KLHL15: variants seen among roughly 807,000 people sequenced by gnomAD.
The protein encoded by KLHL15 is kelch like family member 15.
In KLHL15, 1 loss-of-function variant was observed where a neutral mutation model predicts 29.3. The ratio of observed to expected loss-of-function variants is 0.03; its 90% CI spans 0.01 to 0.16. The LOEUF (loss-of-function observed/expected upper bound fraction) is 0.16. Among genes scored for constraint, KLHL15 ranks in the 10% least tolerant of loss-of-function variants. The pLI is 1.00. For synonymous variants in KLHL15, 212 were observed against 184.5 expected, an observed-to-expected ratio of 1.15 and a Z score of -1.21; for missense variants, 215 against 478.5, an observed-to-expected ratio of 0.45 and a Z score of 5.14.
At position 23,988,455 on chromosome X, in the gene KLHL15, T is replaced by C. The variant is rs745742831; in HGVS notation, c.1281A>G (p.Lys427=). ...AGGTGATTCCACCGGTGATAAACAA[T>C]TTGTTATTGAGCACTGTCCCCTCAT... ...YGHEGTVLNN[K]LFITGGITSS... The change falls in exon 4 of 4, where the codon AAA becomes AAG. Residue 427 remains lysine, a synonymous_variant. Coordinates refer to ENST00000328046, the MANE Select transcript of KLHL15 (RefSeq NM_030624.3). 1 of 1,211,466 alleles carries C rather than the reference T, an allele frequency of 8.3e-7. No homozygotes were observed. Among genetic ancestry groups the C allele is most frequent in the African/African-American group, 1.7e-5 (1 of 57,780 alleles).
At chrX:24,008,031 T>C (rs1033002837) in intron 2 of KLHL15, among the ~76,000 whole-genome samples, 1 of 111,464 alleles carries the variant, frequency 9.0e-6, no homozygotes, top group Non-Finnish European at 1.9e-5. Context: ...ACCAAAATAA[T>C]GTCCCTGGGT....
At chrX:24,003,758 T>C (rs1402193793) in intron 3 of KLHL15, among the ~76,000 whole-genome samples, 10 of 105,929 alleles carry the variant, frequency 9.4e-5, no homozygotes, top group Non-Finnish European at 1.5e-4. Context: ...CCTTGGCCTC[T>C]TCGATGATGG....
At chrX:23,991,799 A>G (rs998375999) in intron 3 of KLHL15, among the ~76,000 whole-genome samples, 1 of 112,278 alleles carries the variant, frequency 8.9e-6, no homozygotes, top group African/African-American at 3.2e-5. Context: ...AGATCATGCC[A>G]CTGCATTCCA....
chrX:24,002,775 T>C (rs774361328), intron 3 of KLHL15, among the ~76,000 whole-genome samples: 76 of 111,199 alleles, frequency 6.8e-4, no homozygotes, highest in Middle Eastern at 4.7e-3. Context: ...ACTCCAGGCA[T>C]GTGCCCCCAC....
intron 3 of KLHL15, among the ~76,000 whole-genome samples, chrX:24,000,811 C>T (rs1353377782): frequency 2.7e-5 from 3 of 112,543 alleles, no homozygotes; most frequent in African/African-American, 9.7e-5. Flanking sequence ...CTACAGTTTA[C>T]ATAGATGTGG....
chrX:24,004,779 G>T lies in KLHL15; in HGVS notation c.705+1210C>A, dbSNP rs1303375091. The stretch of plus-strand genomic sequence containing the variant: ...TACTCTAGCCTGGGCGACAGAGCGA[G>T]ACTCTGTCTCAAAAAAAAAAAAAAA... On this transcript the variant is annotated intron_variant, in intron 3 of 3. Coordinates refer to ENST00000328046, the MANE Select transcript of KLHL15 (RefSeq NM_030624.3). 3.4e-5 allele frequency among the ~76,000 whole-genome samples: 3 copies of T among 88,469 alleles called. No homozygotes were observed. In the Admixed American group the frequency reaches 3.9e-4, roughly 12 times the overall value. The allele number at this position is 88,469 out of a possible 115,157, so 76.8% of individuals were successfully genotyped here. A position where few individuals can be genotyped will look rare whatever the true frequency, so the allele number is the denominator to read the frequency against.
intron 3 of KLHL15, among the ~76,000 whole-genome samples, chrX:23,997,607 C>T (rs892114045): frequency 2.9e-5 from 3 of 103,454 alleles, no homozygotes; most frequent in South Asian, 4.5e-4. Flanking sequence ...GGTGTGCACC[C>T]GTAGTCCCAG....
At chrX:23,999,835 T>C (rs1929275712) in intron 3 of KLHL15, among the ~76,000 whole-genome samples, 2 of 111,904 alleles carry the variant, frequency 1.8e-5, no homozygotes, top group Admixed American at 9.5e-5. Flanking sequence ...CAGAAAACTT[T>C]AGAGGAGAAA....
intron 2 of KLHL15, among the ~76,000 whole-genome samples, chrX:24,019,357 G>C (rs1929757709): frequency 9.0e-6 from 1 of 111,302 alleles, no homozygotes; most frequent in African/African-American, 3.3e-5. Flanking sequence ...CGGGGTTCAA[G>C]CGATTCTCCT....
At chrX:24,003,190 G>A (rs1260600568) in intron 3 of KLHL15, among the ~76,000 whole-genome samples, 1 of 111,508 alleles carries the variant, frequency 9.0e-6, no homozygotes, top group Non-Finnish European at 1.9e-5. Flanking sequence ...AGTGCCACTT[G>A]GTCTGGAATA....
At chrX:24,007,121 G>A (rs993260298) in intron 2 of KLHL15, among the ~76,000 whole-genome samples, 2 of 110,747 alleles carry the variant, frequency 1.8e-5, no homozygotes, top group African/African-American at 6.6e-5. Context: ...TTCAGCCCAC[G>A]AGTTTGAGGC....
At chrX:24,008,852 T>A (rs1194947108) in intron 2 of KLHL15, among the ~76,000 whole-genome samples, 1 of 96,258 alleles carries the variant, frequency 1.0e-5, no homozygotes, top group Non-Finnish European at 2.0e-5. Flanking sequence ...AACCTCTAGC[T>A]CTACTCCCAC....
intron 2 of KLHL15, among the ~76,000 whole-genome samples, chrX:24,020,975 A>AT (rs778058357): frequency 5.9e-4 from 66 of 111,911 alleles, no homozygotes; most frequent in South Asian, 2.6e-3. Flanking sequence ...GACAAAGGGT[A>AT]TTTTTTTCTA....
intron 3 of KLHL15, among the ~76,000 whole-genome samples, chrX:23,995,060 G>T (rs1478201703): frequency 9.0e-6 from 1 of 111,395 alleles, no homozygotes; most frequent in African/African-American, 3.3e-5. Flanking sequence ...AATGAAGTAT[G>T]AGAAATGATT....
At chrX:24,003,383 A>T (rs1249899419) in intron 3 of KLHL15, among the ~76,000 whole-genome samples, 1 of 68,746 alleles carries the variant, frequency 1.5e-5, no homozygotes, top group Non-Finnish European at 2.4e-5. Flanking sequence ...GTCTCTACTA[A>T]AAAAAAAAAA....
At position 23,984,727 on chromosome X, in the gene KLHL15, T is replaced by C. The variant is rs900731306; in HGVS notation, c.*3194A>G. The C allele has an allele frequency of 8.9e-6, 1 of 112,487 alleles. No individual in the cohort carries two copies. The highest frequency in any genetic ancestry group is 3.2e-5 in the African/African-American group (1 of 31,022). 9.3% of individuals were successfully genotyped at this position (112,487 alleles called of 1,213,427 possible). On this transcript the variant is annotated 3_prime_UTR_variant, in exon 4 of 4. Coordinates refer to ENST00000328046, the MANE Select transcript of KLHL15 (RefSeq NM_030624.3). ...ATTATGCAGCTCAAATAATCTGTTATAAAATATTTTAAAGCTTAGTTTCAT... is the reference window on the plus strand; with the variant it reads ...ATTATGCAGCTCAAATAATCTGTTACAAAATATTTTAAAGCTTAGTTTCAT...
rs1270371820 is a variant in KLHL15 at position 23,986,449 on chromosome X, T to G, written c.*1472A>C. 1.8e-5 allele frequency: 2 copies of G among 112,602 alleles called. No homozygotes were observed. Among genetic ancestry groups the G allele is most frequent in the Non-Finnish European group, 3.8e-5 (2 of 53,249 alleles). 9.3% of individuals were successfully genotyped at this position (112,602 alleles called of 1,213,427 possible). On this transcript the variant is annotated 3_prime_UTR_variant, in exon 4 of 4. Coordinates refer to ENST00000328046, the MANE Select transcript of KLHL15 (RefSeq NM_030624.3). The stretch of plus-strand genomic sequence containing the variant: ...GTCTGTATCAGATATAGACTACTCA[T>G]GCGCAAATGGCATCAATTTCAATGA...
chrX:24,025,103 C>T, intron 1 of KLHL15, 45 bp from the exon 2 acceptor site: 3 of 296,348 alleles, frequency 1.0e-5, no homozygotes, highest in Admixed American at 1.2e-4. Context: ...GACAGTCGGG[C>T]TCCGCACGAG....
intron 3 of KLHL15, among the ~76,000 whole-genome samples, 155 bp from the exon 4 acceptor site, chrX:23,989,185 T>TA (rs1366329991): frequency 9.1e-6 from 1 of 109,974 alleles, no homozygotes; most frequent in African/African-American, 3.4e-5. Flanking sequence ...ACAAAGCTTT[T>TA]AAAAAATCTT....
Sources: gnomAD v4.1 joint callset for allele counts (sites outside exome capture counted in the v4.1 genomes callset) on GRCh38, gnomAD v4.1.1 for gene constraint, MANE v1.5 for transcripts, NCBI Gene and HGNC (gene_info 2026-07-23, HGNC 2026-07-21) for gene names.